Variants in GRM1 observed in about 807,000 individuals in gnomAD.
The protein encoded by GRM1 is glutamate metabotropic receptor 1.
GRM1 carries 33 observed loss-of-function variants against 90.9 expected under a neutral mutation model. That is an observed-to-expected ratio of 0.36 (90% CI 0.28 to 0.49). GRM1 has a LOEUF of 0.49. GRM1 is among the 20% of genes least tolerant of loss of function. GRM1 has a pLI of 0.99. For synonymous variants in GRM1, 700 were observed against 613.2 expected, an observed-to-expected ratio of 1.14 and a Z score of -2.09; for missense variants, 1,190 against 1,534.3, an observed-to-expected ratio of 0.78 and a Z score of 3.75.
At chr6:146,028,283 G>A (rs994506634), upstream of GRM1, among the ~76,000 whole-genome samples, 2 of 148,278 alleles carry the variant, frequency 1.3e-5, no homozygotes, top group Admixed American at 6.8e-5. Flanking sequence ...GTGTGTATGG[G>A]TAAAGAACTC....
At chr6:146,270,319 A>C (rs942716309) in intron 2 of GRM1, among the ~76,000 whole-genome samples, 5 of 152,204 alleles carry the variant, frequency 3.3e-5, no homozygotes, top group Non-Finnish European at 7.4e-5. Context: ...AAAACAATGC[A>C]AAACTCAGCA....
At chr6:146,347,892 ACT>A (rs1287486609) in intron 3 of GRM1, among the ~76,000 whole-genome samples, 4 of 152,206 alleles carry the variant, frequency 2.6e-5, no homozygotes, top group Non-Finnish European at 5.9e-5. Flanking sequence ...GTGCTGCTGC[ACT>A]CAGGTAGCCG....
chr6:146,161,114 A>G (rs963270070), intron 2 of GRM1, among the ~76,000 whole-genome samples: 54 of 152,170 alleles, frequency 3.5e-4, no homozygotes, highest in African/African-American at 1.3e-3. Context: ...AGGCCTTTCC[A>G]TTGCTCTGTA....
chr6:146,373,631 G>T (rs1562648064), intron 5 of GRM1, among the ~76,000 whole-genome samples: 1 of 152,082 alleles, frequency 6.6e-6, no homozygotes, highest in African/African-American at 2.4e-5. Context: ...TATTGTAAAT[G>T]AGATTACTTT....
At chr6:146,176,955 T>C (rs1161270592) in intron 2 of GRM1, among the ~76,000 whole-genome samples, 3 of 152,122 alleles carry the variant, frequency 2.0e-5, no homozygotes, top group East Asian at 3.9e-4. Flanking sequence ...ATTAGGGCTA[T>C]TGCGACCTTT....
intron 1 of GRM1, among the ~76,000 whole-genome samples, chr6:146,038,499 C>G (rs1032307276): frequency 1.3e-5 from 2 of 152,018 alleles, no homozygotes; most frequent in Non-Finnish European, 2.9e-5. Context: ...TTATTGTTGT[C>G]ATGCTATTCT....
At chr6:146,087,218 C>T (rs1002280790) in intron 1 of GRM1, among the ~76,000 whole-genome samples, 14 of 152,126 alleles carry the variant, frequency 9.2e-5, no homozygotes, top group African/African-American at 2.9e-4. Context: ...CCCTAAGCCT[C>T]TCCTGTGTCT....
chr6:146,389,419 C>CT (rs3840130), intron 6 of GRM1, among the ~76,000 whole-genome samples: 69,655 of 151,676 alleles, frequency 0.46, 16,208 homozygotes, highest in African/African-American at 0.54. Flanking sequence ...GATAAAAAAG[C>CT]TTTTTAAAAA....
chr6:146,133,247 C>T (rs957343025), intron 1 of GRM1, among the ~76,000 whole-genome samples: 8 of 152,224 alleles, frequency 5.3e-5, no homozygotes, highest in African/African-American at 1.9e-4. Flanking sequence ...TGCAACATTA[C>T]AGCCGAATTT....
At chr6:146,426,969 C>T (rs149189620) in intron 7 of GRM1, among the ~76,000 whole-genome samples, 3 of 152,236 alleles carry the variant, frequency 2.0e-5, no homozygotes, top group African/African-American at 7.2e-5. Flanking sequence ...TCAGCTTCTC[C>T]TTGGCAAACA....
Position 146,434,693 on chromosome 6 carries a change from T to G in GRM1, c.3482T>G (p.Val1161Gly). 1 of 1,605,006 alleles carries G rather than the reference T, an allele frequency of 6.2e-7. No individual in the cohort carries two copies. The highest frequency in any genetic ancestry group is 8.5e-7 in the Non-Finnish European group (1 of 1,179,920). Residue 1161 changes from valine (V) to glycine (G), a missense_variant, in exon 8 of 8, where the codon GTG becomes GGG. Val to Gly is a moderately radical substitution (Grantham distance 109). Around this residue, in one of 10 missense-constraint regions of GRM1, gnomAD observed 48 missense variants for 48.5 expected, o/e 0.99. Transcript: ENST00000282753. ...GACTCGGTGGCCTCGGGCAGCTCGG[T>G]GCCCAGCTCCCCCGTGTCCGAGTCG... Reference protein sequence around the residue: ...FRDSVASGSSVPSSPVSESVL... With the variant: ...FRDSVASGSSGPSSPVSESVL...
intron 2 of GRM1, among the ~76,000 whole-genome samples, chr6:146,266,027 A>G (rs113585692): frequency 1.3e-5 from 2 of 152,050 alleles, no homozygotes; most frequent in Non-Finnish European, 1.5e-5. Flanking sequence ...TGTCTCTACT[A>G]AAATACAAAA....
At chr6:146,141,637 C>A (rs1351842643) in intron 1 of GRM1, among the ~76,000 whole-genome samples, 1 of 152,158 alleles carries the variant, frequency 6.6e-6, no homozygotes, top group Admixed American at 6.5e-5. Context: ...CTAATAAATT[C>A]TTTCCTCTGC....
intron 3 of GRM1, among the ~76,000 whole-genome samples, chr6:146,326,127 T>G (rs1194227684): frequency 1.3e-5 from 2 of 152,202 alleles, no homozygotes; most frequent in Non-Finnish European, 2.9e-5. Context: ...AAAGTTAGAT[T>G]GTGTTTGAGG....
intron 2 of GRM1, among the ~76,000 whole-genome samples, chr6:146,301,193 C>G (rs12523906): frequency 0.013 from 2,031 of 152,126 alleles, 22 homozygotes; most frequent in Non-Finnish European, 0.02. Flanking sequence ...CCTGGTTCTC[C>G]TTGATTTTAT....
chr6:146,089,439 A>G (rs924948568), intron 1 of GRM1, among the ~76,000 whole-genome samples: 2 of 152,140 alleles, frequency 1.3e-5, no homozygotes, highest in African/African-American at 4.8e-5. Flanking sequence ...TACCTCTCAA[A>G]TCATGACCCA....
chr6:146,080,542 A>G (rs1488734955), intron 1 of GRM1, among the ~76,000 whole-genome samples: 6 of 152,136 alleles, frequency 3.9e-5, no homozygotes, highest in Non-Finnish European at 7.3e-5. Context: ...GGTAAGCAGA[A>G]GAGTAAAAGA....
intron 3 of GRM1, among the ~76,000 whole-genome samples, chr6:146,345,280 A>G (rs1428216657): frequency 1.3e-5 from 2 of 152,202 alleles, no homozygotes; most frequent in East Asian, 1.9e-4. Context: ...ATACTCTTTA[A>G]TATGTCCTAA....
intron 2 of GRM1, among the ~76,000 whole-genome samples, chr6:146,293,053 A>G (rs558147806): frequency 6.6e-6 from 1 of 152,180 alleles, no homozygotes; most frequent in East Asian, 1.9e-4. Context: ...TTTGCATATG[A>G]AATATCCAGA....
Sources: gnomAD v4.1 joint callset for allele counts (sites outside exome capture counted in the v4.1 genomes callset) on GRCh38, gnomAD v4.1.1 for gene constraint, gnomAD v4.1.1 regional missense constraint, MANE v1.5 for transcripts, NCBI Gene and HGNC (gene_info 2026-07-23, HGNC 2026-07-21) for gene names.